The following C16orf96 variants were observed in gnomAD, a reference collection of about 807,000 sequenced individuals.
C16orf96 encodes chromosome 16 open reading frame 96, also known as uncharacterized protein C16orf96.
C16orf96 carries 108 observed loss-of-function variants against 103.6 expected under a neutral mutation model. The ratio of observed to expected loss-of-function variants is 1.04; its 90% CI spans 0.89 to 1.22. The LOEUF is 1.22. Among genes scored for constraint, C16orf96 ranks in the 50% most tolerant of loss-of-function variants. The probability of loss-of-function intolerance (pLI) is 0.00; values close to 1 mark genes in which losing one functional copy is unlikely to be tolerated. For synonymous variants in C16orf96, 566 were observed against 593.5 expected (o/e 0.95, Z 0.67); for missense variants, 1,586 against 1,464.2 (o/e 1.08, Z -1.36).
chr16:4,539,079 G>C, the C16orf96 span, among the ~76,000 whole-genome samples: 1 of 152,172 alleles, frequency 6.6e-6, no homozygotes, highest in African/African-American at 2.4e-5. Context: ...TATTGAGTTT[G>C]GGAGGTGCAT....
the C16orf96 span, among the ~76,000 whole-genome samples, chr16:4,547,778 A>G: frequency 1.5e-3 from 158 of 102,894 alleles, 2 homozygotes; most frequent in East Asian, 0.038. Flanking sequence ...TCTCTCTCTC[A>G]TTCTCTCTTT....
chr16:4,559,381 A>G (rs1372657547), intron 1 of C16orf96, among the ~76,000 whole-genome samples: 1 of 151,706 alleles, frequency 6.6e-6, no homozygotes, highest in Admixed American at 6.6e-5. Flanking sequence ...CGTCTCTACT[A>G]AAAATAAAAA....
chr16:4,564,832 A>C (rs2059370630), intron 1 of C16orf96, among the ~76,000 whole-genome samples: 2 of 152,142 alleles, frequency 1.3e-5, no homozygotes. Flanking sequence ...ATAAAATACA[A>C]ATAAAAATTG....
rs753365104 is a variant in C16orf96 at position 4,600,166 on chromosome 16, C to T, written c.3275C>T (p.Pro1092Leu). 5.2e-6 allele frequency: 8 copies of T among 1,551,542 alleles called. No individual in the cohort carries two copies. Among genetic ancestry groups the T allele is most frequent in the African/African-American group, 1.4e-5 (1 of 73,018 alleles). ...CCTCACCTGACGATGCCAGCTCGAC[C>T]ACCTTCCCTGCCACCTCTGCTGCTG... is the stretch of plus-strand genomic sequence containing the variant. ...SGPHLTMPAR[P>L]PSLPPLLLLP... Residue 1092 changes from proline (P) to leucine (L), a missense_variant, in exon 16 of 16, where the codon CCA becomes CTA. By Grantham distance (98) the Pro-to-Leu change is moderately conservative. Transcript: ENST00000444310.
chr16:4,573,314 C>A (rs1423589508), intron 2 of C16orf96, among the ~76,000 whole-genome samples: 1 of 151,760 alleles, frequency 6.6e-6, no homozygotes, highest in Non-Finnish European at 1.5e-5. Flanking sequence ...TTGCAGGCAC[C>A]CGTAACCCCA....
At chr16:4,540,305 G>C in the C16orf96 span, among the ~76,000 whole-genome samples, 5 of 152,226 alleles carry the variant, frequency 3.3e-5, no homozygotes, top group Non-Finnish European at 7.3e-5. Flanking sequence ...TGAGGCAGGG[G>C]CATGAAATTG....
Position 4,576,599 on chromosome 16 carries a change from C to G in C16orf96, c.2119C>G (p.Leu707Val), listed in dbSNP as rs1714902919. The G allele has an allele frequency of 6.4e-7, 1 of 1,551,428 alleles. No individual in the cohort carries two copies. Among genetic ancestry groups the G allele is most frequent in the Admixed American group, 2.0e-5 (1 of 50,980 alleles). Reference protein sequence around the residue: ...HDSLKEEFAQLSCNLNQRLSY... With the variant: ...HDSLKEEFAQVSCNLNQRLSY... Reference sequence around the variant, plus strand: ...CTCTCTGAAGGAAGAATTTGCCCAGCTGTCCTGTAACCTGAACCAGCGCTT... The same window carrying G: ...CTCTCTGAAGGAAGAATTTGCCCAGGTGTCCTGTAACCTGAACCAGCGCTT... The change falls in exon 5 of 16, where the codon CTG becomes GTG. Residue 707 changes from leucine to valine, a missense_variant. Transcript: ENST00000444310.
At chr16:4,577,030 A>G (rs2059519778) in intron 5 of C16orf96, among the ~76,000 whole-genome samples, 1 of 152,110 alleles carries the variant, frequency 6.6e-6, no homozygotes, top group South Asian at 2.1e-4. Flanking sequence ...CGTCTCTACT[A>G]AAAATACAAA....
chr16:4,549,188 C>T, the C16orf96 span, among the ~76,000 whole-genome samples: 4 of 151,960 alleles, frequency 2.6e-5, no homozygotes, highest in Non-Finnish European at 4.4e-5. Flanking sequence ...CAAAACAGAA[C>T]ACCAGGCCGG....
At position 4,576,116 on chromosome 16, in the gene C16orf96, G is replaced by T. The variant is rs537387292; in HGVS notation, c.1636G>T (p.Asp546Tyr). The change falls in exon 5 of 16, where the codon GAT becomes TAT. Residue 546 changes from aspartate to tyrosine, a missense_variant. Transcript: ENST00000444310. ...DGDPKDRVGK[D>Y]GAPKEAQPKA... is the part of the protein sequence containing the mutation. ...GGACCCCAAGGATAGAGTTGGCAAGGATGGGGCCCCCAAGGAAGCACAGCC... is the reference window on the plus strand; with the variant it reads ...GGACCCCAAGGATAGAGTTGGCAAGTATGGGGCCCCCAAGGAAGCACAGCC... The T allele has an allele frequency of 1.0e-4, 161 of 1,551,530 alleles. 2 individuals are homozygous for T. In the South Asian group the frequency reaches 1.7e-3, roughly 16 times the overall value.
intron 14 of C16orf96, among the ~76,000 whole-genome samples, chr16:4,595,697 T>TTGC (rs1210352699): frequency 7.3e-5 from 11 of 151,722 alleles, no homozygotes; most frequent in Non-Finnish European, 1.6e-4. Flanking sequence ...TTTTTTGTTG[T>TTGC]TGTTGTTGTT....
chr16:4,539,199 A>G, the C16orf96 span, among the ~76,000 whole-genome samples: 4 of 152,202 alleles, frequency 2.6e-5, no homozygotes, highest in East Asian at 5.8e-4. Context: ...AACCCACTCC[A>G]TCTTGCTTCT....
intron 8 of C16orf96, 35 bp from the exon 9 acceptor site, chr16:4,588,132 G>A (rs1416408914): frequency 6.5e-7 from 1 of 1,539,024 alleles, no homozygotes; most frequent in Admixed American, 2.0e-5. Flanking sequence ...CTCCATCCCA[G>A]CAGCCATGCC....
the C16orf96 span, chr16:4,538,843 C>T: frequency 6.6e-6 from 1 of 152,194 alleles, no homozygotes; most frequent in Non-Finnish European, 1.5e-5. Flanking sequence ...GGTGGGGTCT[C>T]GGGAGGCACG....
intron 7 of C16orf96, among the ~76,000 whole-genome samples, chr16:4,586,749 C>T (rs1221274218): frequency 5.9e-5 from 9 of 152,214 alleles, no homozygotes. Flanking sequence ...GGAGCGAAAT[C>T]GTCCACATTG....
At position 4,588,298 on chromosome 16, in the gene C16orf96, T is replaced by C. The variant is rs1297425217; in HGVS notation, c.2559T>C (p.Ala853=). Residue 853 remains alanine (A), a synonymous_variant, in exon 9 of 16, where the codon GCT becomes GCC. Transcript: ENST00000444310. The part of the protein sequence containing the change: ...VTIHEDSWKK[A]MEELSKDVNT... ...TCCATGAGGACAGCTGGAAGAAGGC[T>C]ATGGAGGAGCTCAGCAAGGACGTGA... is the stretch of plus-strand genomic sequence containing the variant. The C allele has an allele frequency of 6.4e-7, 1 of 1,551,648 alleles. No individual in the cohort carries two copies. Among genetic ancestry groups the C allele is most frequent in the Non-Finnish European group, 8.7e-7 (1 of 1,146,936 alleles).
chr16:4,579,233 C>T (rs1410652358), intron 6 of C16orf96, among the ~76,000 whole-genome samples: 3 of 151,984 alleles, frequency 2.0e-5, no homozygotes, highest in Admixed American at 6.6e-5. Flanking sequence ...TGGGGCTACA[C>T]GGTTCTGTGT....
At chr16:4,580,887 G>A (rs1248501966) in intron 7 of C16orf96, among the ~76,000 whole-genome samples, 32 of 151,992 alleles carry the variant, frequency 2.1e-4, no homozygotes, top group African/African-American at 7.2e-4. Flanking sequence ...CACTTTAGGA[G>A]GCTGAGGTGG....
At chr16:4,566,949 C>G (rs896362232) in intron 1 of C16orf96, among the ~76,000 whole-genome samples, 2 of 151,990 alleles carry the variant, frequency 1.3e-5, no homozygotes, top group African/African-American at 4.8e-5. Flanking sequence ...TTCAATTAAC[C>G]AGTGTTTAGT....
Sources: gnomAD v4.1 joint callset for allele counts (sites outside exome capture counted in the v4.1 genomes callset) on GRCh38, gnomAD v4.1.1 for gene constraint, MANE v1.5 for transcripts, NCBI Gene and HGNC (gene_info 2026-07-23, HGNC 2026-07-21) for gene names.